SFXN1: variants seen among roughly 807,000 people sequenced by gnomAD.
SFXN1 encodes sideroflexin-1.
In SFXN1, 32 loss-of-function variants were observed where a neutral mutation model predicts 39.5. That is an observed-to-expected ratio of 0.81 (90% CI 0.61 to 1.09). The LOEUF (loss-of-function observed/expected upper bound fraction) is 1.09. Ranked by LOEUF, SFXN1 falls within the 50% of genes least tolerant of loss-of-function variation. The pLI is 0.00. For missense variants in SFXN1, 402 were observed against 407.1 expected (o/e 0.99, Z 0.11); for synonymous variants, 136 against 146.5 (o/e 0.93, Z 0.52).
chr5:175,487,178 A>T (rs1759480690), intron 1 of SFXN1, among the ~76,000 whole-genome samples: 1 of 152,136 alleles, frequency 6.6e-6, no homozygotes, highest in Non-Finnish European at 1.5e-5. Context: ...CCACACCCAG[A>T]GCCATGCTGA....
intron 2 of SFXN1, among the ~76,000 whole-genome samples, chr5:175,498,061 A>AATAC (rs1759930512): frequency 6.6e-6 from 1 of 152,008 alleles, no homozygotes; most frequent in African/African-American, 2.4e-5. Context: ...CAAAACAAAA[A>AATAC]AATCACAAAG....
chr5:175,510,059 C>T (rs752604612), intron 3 of SFXN1, 50 bp from the exon 4 acceptor site: 32 of 1,500,162 alleles, frequency 2.1e-5, no homozygotes, highest in African/African-American at 9.7e-5. Flanking sequence ...TGTTCCATGC[C>T]GCGGCTGGGC....
rs1386385641 is a variant in SFXN1, at chr5:175,528,046, G to C, written c.*1312G>C. 2 of 150,554 alleles carry C rather than the reference G, an allele frequency of 1.3e-5. No individual in the cohort carries two copies. The highest frequency in any genetic ancestry group is 3.9e-4 in the East Asian group (2 of 5,098). The allele number at this position is 150,554 out of a possible 1,614,324, so 9.3% of individuals were successfully genotyped here. A position where few individuals can be genotyped will look rare whatever the true frequency, so the allele number is the denominator to read the frequency against. ...GCCGTTCTCCTGCCTCAGCCTCTCT[G>C]AGAAGCTGGGACTACAGGCGCCCGC... On this transcript the variant is annotated 3_prime_UTR_variant, in exon 11 of 11. Coordinates refer to ENST00000321442, the MANE Select transcript of SFXN1 (RefSeq NM_022754.7).
chr5:175,510,023 C>G (rs1178738125), intron 3 of SFXN1, 86 bp from the exon 4 acceptor site: 3 of 1,070,528 alleles, frequency 2.8e-6, no homozygotes, highest in African/African-American at 1.6e-5. Context: ...TACGTCTCCT[C>G]TCTGGTTACT....
chr5:175,508,449 G>A (rs1471489800), intron 2 of SFXN1, among the ~76,000 whole-genome samples: 2 of 151,574 alleles, frequency 1.3e-5, no homozygotes, highest in Admixed American at 6.6e-5. Flanking sequence ...TGCTAAGGCT[G>A]GTTTTGAACT....
chr5:175,478,903 C>T (rs1436558816), intron 1 of SFXN1, among the ~76,000 whole-genome samples: 1 of 152,122 alleles, frequency 6.6e-6, no homozygotes, highest in African/African-American at 2.4e-5. Flanking sequence ...CCGTGGGCCT[C>T]GTCCCCGGTG....
At chr5:175,484,571 GA>G (rs760184887) in intron 1 of SFXN1, among the ~76,000 whole-genome samples, 1 of 152,368 alleles carries the variant, frequency 6.6e-6, no homozygotes, top group Admixed American at 6.5e-5. Flanking sequence ...GCACCCTGGG[GA>G]TCCCCACATA....
At chr5:175,486,408 G>C (rs1759452534) in intron 1 of SFXN1, among the ~76,000 whole-genome samples, 1 of 152,138 alleles carries the variant, frequency 6.6e-6, no homozygotes, top group Non-Finnish European at 1.5e-5. Flanking sequence ...AAGCGCATTG[G>C]ATAAATCATT....
chr5:175,510,243 T>A, intron 4 of SFXN1, 36 bp downstream of exon 4: 1 of 1,526,110 alleles, frequency 6.6e-7, no homozygotes. Context: ...TCTGCAGTTC[T>A]TCAACCTTCA....
At chr5:175,492,530 G>C (rs1201730373) in intron 2 of SFXN1, 1 of 281,570 alleles carries the variant, frequency 3.6e-6, no homozygotes, top group Admixed American at 5.2e-5. Flanking sequence ...CTTTCTCCTG[G>C]CAGCTTGCCT....
Position 175,510,178 on chromosome 5 carries a change from C to T in SFXN1, c.405C>T (p.Asn135=), listed in dbSNP as rs1380352583. Residue 135 remains asparagine, a synonymous_variant, in exon 4 of 11, where the codon AAC becomes AAT. Coordinates refer to ENST00000321442, the MANE Select transcript of SFXN1 (RefSeq NM_022754.7). ...QSFNAVVNYT[N]RSGDAPLTVN... ...TCAATGCCGTCGTCAATTACACCAACAGAAGTGGAGACGCACCCCTCACTG... is the reference window on the plus strand; with the variant it reads ...TCAATGCCGTCGTCAATTACACCAATAGAAGTGGAGACGCACCCCTCACTG... 1 of 1,613,248 alleles carries T rather than the reference C, an allele frequency of 6.2e-7. No homozygotes were observed. Among genetic ancestry groups the T allele is most frequent in the Non-Finnish European group, 8.5e-7 (1 of 1,179,758 alleles).
intron 7 of SFXN1, chr5:175,513,807 G>A (rs1760622090): frequency 4.5e-6 from 2 of 447,546 alleles, no homozygotes; most frequent in East Asian, 8.3e-5. Flanking sequence ...AGGGCAGCCG[G>A]GGAAGAGCAC....
intron 2 of SFXN1, among the ~76,000 whole-genome samples, chr5:175,496,159 A>G (rs1759850992): frequency 6.6e-6 from 1 of 151,988 alleles, no homozygotes; most frequent in African/African-American, 2.4e-5. Flanking sequence ...CAGCCTCCCA[A>G]AGTGGTGGGG....
At chr5:175,516,748 C>T in intron 8 of SFXN1, 85 bp downstream of exon 8, 1 of 1,405,234 alleles carries the variant, frequency 7.1e-7, no homozygotes, top group Non-Finnish European at 9.8e-7. Context: ...GCTACCTAAA[C>T]AGTAAAGAAG....
intron 7 of SFXN1, among the ~76,000 whole-genome samples, chr5:175,515,529 A>T (rs1760686544): frequency 6.6e-6 from 1 of 152,238 alleles, no homozygotes; most frequent in Non-Finnish European, 1.5e-5. Context: ...AAAAGTTGTC[A>T]GCAAATGAAC....
At chr5:175,497,190 A>G (rs548218516) in intron 2 of SFXN1, among the ~76,000 whole-genome samples, 6 of 152,226 alleles carry the variant, frequency 3.9e-5, no homozygotes, top group South Asian at 4.1e-4. Context: ...TGCCTCGCCT[A>G]TATACTTTTA....
intron 2 of SFXN1, among the ~76,000 whole-genome samples, chr5:175,499,440 A>C (rs1759989677): frequency 6.6e-6 from 1 of 152,230 alleles, no homozygotes; most frequent in South Asian, 2.1e-4. Context: ...AGAATTTAAC[A>C]AATCTACCCG....
At chr5:175,518,043 A>C (rs962241795) in intron 8 of SFXN1, among the ~76,000 whole-genome samples, 18 of 152,062 alleles carry the variant, frequency 1.2e-4, no homozygotes, top group African/African-American at 4.8e-5. Context: ...CCTACGCCTT[A>C]TCTCTCCCCA....
intron 2 of SFXN1, among the ~76,000 whole-genome samples, chr5:175,498,135 G>T (rs1297338723): frequency 6.6e-6 from 1 of 151,944 alleles, no homozygotes; most frequent in African/African-American, 2.4e-5. Flanking sequence ...AAATTAATAA[G>T]AAACTTTAAG....
Sources: allele counts gnomAD v4.1 joint callset (sites outside exome capture counted in the v4.1 genomes callset), GRCh38; gene constraint gnomAD v4.1.1; transcripts MANE v1.5; gene names NCBI Gene and HGNC (gene_info 2026-07-23, HGNC 2026-07-21).